DHCR7: variants seen among roughly 807,000 people sequenced by gnomAD.
DHCR7 encodes 7-DHC reductase.
Under a neutral mutation model 43.3 loss-of-function variants are expected in DHCR7, and 40 were observed. The observed-to-expected ratio is 0.92, with a 90% CI of 0.72 to 1.20. The LOEUF (loss-of-function observed/expected upper bound fraction) is 1.20, where lower values mean the gene tolerates loss of function less well. Ranked by LOEUF, DHCR7 falls within the 50% of genes most tolerant of loss-of-function variation. The pLI is 0.00. For synonymous variants in DHCR7, 298 were observed against 271.4 expected (o/e 1.10, Z -0.96); for missense variants, 608 against 644.6 (o/e 0.94, Z 0.62).
Position 71,442,333 on chromosome 11 carries a change from G to C in DHCR7, c.342C>G (p.Leu114=). The C allele has an allele frequency of 6.2e-7, 1 of 1,613,934 alleles. No homozygotes were observed. The highest frequency in any genetic ancestry group is 8.5e-7 in the Non-Finnish European group (1 of 1,179,952). ...VTFQVLLYTS[L]PDFCHKFLPG... Reference sequence around the variant, plus strand: ...GTAGAAACTTATGGCAGAAGTCAGGGAGAGACGTGTACAGAAGCACCTGAA... The same window carrying C: ...GTAGAAACTTATGGCAGAAGTCAGGCAGAGACGTGTACAGAAGCACCTGAA... The change falls in exon 5 of 9, where the codon CTC becomes CTG. Residue 114 remains leucine (L), a synonymous_variant. Transcript: ENST00000355527.
At chr11:71,447,093 A>C (rs1949413085) in intron 2 of DHCR7, among the ~76,000 whole-genome samples, 1 of 152,164 alleles carries the variant, frequency 6.6e-6, no homozygotes, top group African/African-American at 2.4e-5. Context: ...TCCCACACTG[A>C]CTGGTGTTAA....
Position 71,444,939 on chromosome 11 carries a change from G to C in DHCR7, c.14C>G (p.Ser5Trp), listed in dbSNP as rs1127869. 4 of 1,614,046 alleles carry C rather than the reference G, an allele frequency of 2.5e-6. No homozygotes were observed. In the African/African-American group the frequency reaches 5.3e-5, roughly 22 times the overall value. Residue 5 changes from serine (S) to tryptophan (W), a missense_variant, in exon 3 of 9, where the codon TCG becomes TGG. By Grantham distance (177) the Ser-to-Trp change is radical. Transcript: ENST00000355527. Reference protein sequence around the residue: MAAKSQPNIPKAKSL... With the variant: MAAKWQPNIPKAKSL... ...CTTGGCTTTGGGAATGTTGGGTTGC[G>C]ATTTTGCAGCCATTGGGCCCTGCAA...
rs144562471 is a variant in DHCR7 at position 71,435,435 on chromosome 11, G to A, written c.1368C>T (p.Gly456=). The part of the protein sequence containing the change: ...RDEHRCASKY[G]RDWERYTAAV... ...CGGCGGTGTAGCGCTCCCAGTCCCG[G>A]CCGTACTTGCTGGCGCAGCGGTGCT... Residue 456 remains glycine, a synonymous_variant, in exon 9 of 9, where the codon GGC becomes GGT. Transcript: ENST00000355527. 1,798 of 1,612,750 alleles carry A rather than the reference G, an allele frequency of 1.1e-3. 4 individuals are homozygous for A. The highest frequency in any genetic ancestry group is 1.3e-3 in the Non-Finnish European group (1,575 of 1,179,998).
chr11:71,430,909 C>G (rs955470854), downstream of DHCR7, among the ~76,000 whole-genome samples: 1 of 152,216 alleles, frequency 6.6e-6, no homozygotes, highest in Non-Finnish European at 1.5e-5. Flanking sequence ...AATCCCAGCA[C>G]TTTGGGAGGC....
intron 2 of DHCR7, among the ~76,000 whole-genome samples, chr11:71,446,584 G>C (rs189508087): frequency 1.3e-5 from 2 of 152,350 alleles, no homozygotes; most frequent in East Asian, 3.9e-4. Context: ...ATGTGGTAGA[G>C]AGTATTTCTT....
rs774978807 is a variant in DHCR7 at position 71,441,363 on chromosome 11, G to T, written c.490C>A (p.Leu164Ile). The T allele has an allele frequency of 6.2e-7, 1 of 1,614,222 alleles. No homozygotes were observed. Among genetic ancestry groups the T allele is most frequent in the South Asian group, 1.1e-5 (1 of 91,084 alleles). ...THLLWFANAH[L>I]LSWFSPTIIF... ...ATGGTGGGCGAGAACCAGGACAGGA[G>T]ATGAGCGTTTGCAAACCAGAGCAGG... Residue 164 changes from leucine to isoleucine, a missense_variant, in exon 6 of 9, where the codon CTC becomes ATC. Coordinates refer to ENST00000355527, the MANE Select transcript of DHCR7 (RefSeq NM_001360.3).
rs965046261 is a variant in DHCR7, at chr11:71,444,376, G to A, written c.99-161C>T. Reference sequence around the variant, plus strand: ...ACGGGCCCTCCTTGCGGCCAGGGAAGCCACTCAACATGCCTGCTCTACTGT... The same window carrying A: ...ACGGGCCCTCCTTGCGGCCAGGGAAACCACTCAACATGCCTGCTCTACTGT... On this transcript the variant is annotated intron_variant, in intron 3 of 8. Transcript: ENST00000355527. 1.4e-5 allele frequency: 9 copies of A among 664,140 alleles called. No homozygotes were observed. In the African/African-American group the frequency reaches 1.6e-4, roughly 12 times the overall value. 41.1% of individuals were successfully genotyped at this position (664,140 alleles called of 1,614,324 possible).
intron 2 of DHCR7, among the ~76,000 whole-genome samples, 179 bp from the exon 3 acceptor site, chr11:71,445,137 T>C (rs1380372493): frequency 6.6e-6 from 1 of 152,232 alleles, no homozygotes; most frequent in Non-Finnish European, 1.5e-5. Flanking sequence ...TTAGACTCTC[T>C]TCCTTGGACC....
chr11:71,444,276 C>A (rs1251631900), intron 3 of DHCR7, 61 bp from the exon 4 acceptor site: 1 of 1,370,036 alleles, frequency 7.3e-7, no homozygotes, highest in African/African-American at 1.4e-5. Context: ...CCACCAGGAC[C>A]CTAAGAGGCT....
chr11:71,447,265 G>A (rs947659698), intron 2 of DHCR7, among the ~76,000 whole-genome samples: 1 of 152,252 alleles, frequency 6.6e-6, no homozygotes, highest in Non-Finnish European at 1.5e-5. Context: ...GTCAGGGGAT[G>A]TGTAACCTCA....
At chr11:71,447,431 C>T (rs551118131) in intron 2 of DHCR7, among the ~76,000 whole-genome samples, 179 bp downstream of exon 2, 17 of 152,332 alleles carry the variant, frequency 1.1e-4, no homozygotes, top group Admixed American at 1.0e-3. Context: ...TAAGTAACAT[C>T]CTTCCCAATA....
intron 8 of DHCR7, 148 bp downstream of exon 8, chr11:71,437,664 G>C: frequency 8.4e-7 from 1 of 1,189,332 alleles, no homozygotes; most frequent in South Asian, 1.4e-5. Context: ...GCCCAAGCTG[G>C]CTGAGCTGGC....
chr11:71,428,059 C>G (rs1301561955), downstream of DHCR7: 2 of 152,188 alleles, frequency 1.3e-5, no homozygotes, highest in East Asian at 1.9e-4. Flanking sequence ...TGCAGGCAGG[C>G]CTTTCCAAAC....
chr11:71,432,738 C>T (rs544348367), downstream of DHCR7, among the ~76,000 whole-genome samples: 9 of 149,090 alleles, frequency 6.0e-5, no homozygotes, highest in South Asian at 2.1e-4. Flanking sequence ...TTGGCCTCTA[C>T]CAGTTGCTAG....
chr11:71,437,813 T>C lies in DHCR7; in HGVS notation c.962A>G (p.Gln321Arg). 6.2e-7 allele frequency: 1 copy of C among 1,613,824 alleles called. No individual in the cohort carries two copies. Among genetic ancestry groups the C allele is most frequent in the Non-Finnish European group, 8.5e-7 (1 of 1,179,998 alleles). Residue 321 changes from glutamine (Q) to arginine (R), a missense_variant and splice_region_variant, in exon 8 of 9, where the codon CAG becomes CGG. By Grantham distance (43) the Gln-to-Arg change is conservative. Transcript: ENST00000355527. ...GGCCAGCTCTGCCCACCTCCTCACC[T>C]GCAGCGTGTAAAGATAAGGCAGCCA... ...CVWLPYLYTL[Q>R]GLYLVYHPVQ...
chr11:71,438,780 C>G (rs1949316230), intron 7 of DHCR7, 99 bp downstream of exon 7: 4 of 1,294,482 alleles, frequency 3.1e-6, no homozygotes, highest in Admixed American at 3.7e-5. Flanking sequence ...CTCTCTTTTA[C>G]AAGCAGTAGA....
At chr11:71,441,519 CG>C in intron 5 of DHCR7, 79 bp from the exon 6 acceptor site, 1 of 1,268,210 alleles carries the variant, frequency 7.9e-7, no homozygotes, top group Non-Finnish European at 1.1e-6. Flanking sequence ...GCATGCCTGG[CG>C]GGGGCCCTGG....
chr11:71,447,027 T>C (rs1279913075), intron 2 of DHCR7, among the ~76,000 whole-genome samples: 1 of 152,216 alleles, frequency 6.6e-6, no homozygotes, highest in Non-Finnish European at 1.5e-5. Context: ...ACAAGCTTAG[T>C]TTCTTCCCAG....
chr11:71,435,163 T>C lies in DHCR7; in HGVS notation c.*212A>G. On this transcript the variant is annotated 3_prime_UTR_variant, in exon 9 of 9. Transcript: ENST00000355527. ...AGAGAAAATCCGTCTGTGCTGGCAA[T>C]ACGGCAGTGCTGGACACTCGGAATT... 1.4e-6 allele frequency: 1 copy of C among 700,652 alleles called. No homozygotes were observed. The highest frequency in any genetic ancestry group is 2.6e-6 in the Non-Finnish European group (1 of 385,454). The allele number at this position is 700,652 out of a possible 1,614,324, so 43.4% of individuals were successfully genotyped here. A position where few individuals can be genotyped will look rare whatever the true frequency, so the allele number is the denominator to read the frequency against.
Sources: allele counts gnomAD v4.1 joint callset (sites outside exome capture counted in the v4.1 genomes callset), GRCh38; gene constraint gnomAD v4.1.1; transcripts MANE v1.5; gene names NCBI Gene and HGNC (gene_info 2026-07-23, HGNC 2026-07-21).